OSBP2: variants seen among roughly 807,000 people sequenced by gnomAD.
OSBP2 encodes oxysterol binding protein 2.
In OSBP2, 66 loss-of-function variants were observed where a neutral mutation model predicts 96.0. The ratio of observed to expected loss-of-function variants is 0.69; its 90% confidence interval spans 0.56 to 0.84. The LOEUF (loss-of-function observed/expected upper bound fraction) is 0.84, where lower values mean the gene tolerates loss of function less well. OSBP2 is among the 40% of genes least tolerant of loss of function. The pLI is 0.00. For synonymous variants in OSBP2, 525 were observed against 520.9 expected (o/e 1.01, Z -0.11); for missense variants, 1,038 against 1,222.7 (o/e 0.85, Z 2.25).
intron 2 of OSBP2, among the ~76,000 whole-genome samples, chr22:30,809,047 G>A (rs1057332541): frequency 2.0e-5 from 3 of 152,222 alleles, no homozygotes; most frequent in African/African-American, 7.2e-5. Flanking sequence ...GTCAGAGGCA[G>A]AGATTGGAAT....
chr22:30,821,586 G>T (rs943534502), intron 2 of OSBP2, among the ~76,000 whole-genome samples: 5 of 152,090 alleles, frequency 3.3e-5, no homozygotes, highest in Admixed American at 3.3e-4. Context: ...GGGGATGGGG[G>T]TGCGGGGATA....
At chr22:30,706,315 G>A (rs1404550651) in intron 1 of OSBP2, among the ~76,000 whole-genome samples, 6 of 151,844 alleles carry the variant, frequency 4.0e-5, no homozygotes, top group African/African-American at 1.5e-4. Context: ...TCTTTTATGT[G>A]CGATGCTTTG....
chr22:30,871,692 A>C lies in OSBP2; in HGVS notation c.1107+1010A>C, dbSNP rs575297670. On this transcript the variant is annotated intron_variant, in intron 3 of 13. Coordinates refer to ENST00000332585, the MANE Select transcript of OSBP2 (RefSeq NM_030758.4). This position sits in a 1 kb window ranked among gnomAD's most constrained non-coding sequence, Gnocchi z 4.7. The stretch of plus-strand genomic sequence containing the variant: ...CCCAGCCCCCAAACTAGGAGGTTAG[A>C]CCAGGGCCGGACTGGGAGCTGGGAC... Among the ~76,000 whole-genome samples, 8 of 152,266 alleles carry C rather than the reference A, an allele frequency of 5.3e-5. No individual in the cohort carries two copies. The highest frequency in any genetic ancestry group is 1.9e-4 in the African/African-American group (8 of 41,558).
At chr22:30,820,102 G>A (rs1287340727) in intron 2 of OSBP2, among the ~76,000 whole-genome samples, 1 of 152,150 alleles carries the variant, frequency 6.6e-6, no homozygotes, top group Non-Finnish European at 1.5e-5. Flanking sequence ...AGCTCTGACC[G>A]AACACAGTGG....
At chr22:30,734,406 G>A (rs1307527535) in intron 1 of OSBP2, among the ~76,000 whole-genome samples, 2 of 152,192 alleles carry the variant, frequency 1.3e-5, no homozygotes, top group South Asian at 2.1e-4. Context: ...AGCCTCTTGC[G>A]GGAGAGGAGT....
rs533096039 is a variant in OSBP2, at chr22:30,764,936, A to G, written c.853+23567A>G. Among the ~76,000 whole-genome samples, 3 of 152,308 alleles carry G rather than the reference A, an allele frequency of 2.0e-5. No homozygotes were observed. In the East Asian group the frequency reaches 5.8e-4, roughly 29 times the overall value. On this transcript the variant is annotated intron_variant, in intron 2 of 13. Transcript: ENST00000332585. ...TAACTTCTCTCTTACTTTGAGGGAC[A>G]TGAAGTCTTCCTGGGGGAGCATGTT...
chr22:30,882,926 AC>A (rs1157192102), intron 3 of OSBP2, among the ~76,000 whole-genome samples: 1 of 152,148 alleles, frequency 6.6e-6, no homozygotes. Flanking sequence ...AAGCCCAGGC[AC>A]CCTCAGATGT....
chr22:30,799,582 A>C (rs569532539), intron 2 of OSBP2, among the ~76,000 whole-genome samples: 1 of 152,376 alleles, frequency 6.6e-6, no homozygotes, highest in African/African-American at 2.4e-5. Flanking sequence ...CTGAAAGTAC[A>C]TCCTAGGCCT....
At chr22:30,818,489 G>A (rs1022753706) in intron 2 of OSBP2, among the ~76,000 whole-genome samples, 1 of 152,114 alleles carries the variant, frequency 6.6e-6, no homozygotes, top group Non-Finnish European at 1.5e-5. Context: ...TGGGCTGTAG[G>A]GTGTGGATGT....
chr22:30,866,727 ACT>A (rs1222728061), intron 2 of OSBP2, among the ~76,000 whole-genome samples: 11 of 147,782 alleles, frequency 7.4e-5, no homozygotes, highest in African/African-American at 1.0e-4. Flanking sequence ...ACAGCGCGAG[ACT>A]CTGTCTCAAA....
chr22:30,694,359 G>T (rs1044141559), upstream of OSBP2: 17 of 1,528,506 alleles, frequency 1.1e-5, no homozygotes, highest in Non-Finnish European at 1.5e-5. Flanking sequence ...TGGCTGCCAT[G>T]GGGGGCGGGG....
Position 30,870,827 on chromosome 22 carries a change from C to A in OSBP2, c.1107+145C>A. ...GTTTCCCAAAGCCAGCGCCCCCCAG[C>A]TAGCTTCCGAGTTCTTAAATCATCT... On this transcript the variant is annotated intron_variant, in intron 3 of 13. Coordinates refer to ENST00000332585, the MANE Select transcript of OSBP2 (RefSeq NM_030758.4). This position sits in a 1 kb window ranked among gnomAD's most constrained non-coding sequence, Gnocchi z 4.1. 2 of 809,700 alleles carry A rather than the reference C, an allele frequency of 2.5e-6. No homozygotes were observed. The highest frequency in any genetic ancestry group is 3.8e-6 in the Non-Finnish European group (2 of 522,930). The allele number at this position is 809,700 out of a possible 1,614,324, so 50.2% of individuals were successfully genotyped here.
intron 2 of OSBP2, among the ~76,000 whole-genome samples, chr22:30,807,104 C>T (rs1261746199): frequency 6.6e-6 from 1 of 152,186 alleles, no homozygotes; most frequent in African/African-American, 2.4e-5. Flanking sequence ...CGTGAGGTTG[C>T]TCTTTCCACT....
Position 30,741,375 on chromosome 22 carries a change from G to C in OSBP2, c.853+6G>C. 2.5e-6 allele frequency: 4 copies of C among 1,600,476 alleles called. No homozygotes were observed. Among genetic ancestry groups the C allele is most frequent in the Non-Finnish European group, 3.4e-6 (4 of 1,175,556 alleles). On this transcript the variant is annotated splice_donor_region_variant and intron_variant, in intron 2 of 13. Transcript: ENST00000332585. ...CGTGATGAACACTCATTCAGGTAGTGAGCACTTGGGACAGCGGGTGTGTAT... is the reference window on the plus strand; with the variant it reads ...CGTGATGAACACTCATTCAGGTAGTCAGCACTTGGGACAGCGGGTGTGTAT...
intron 2 of OSBP2, among the ~76,000 whole-genome samples, chr22:30,764,675 C>T (rs1198380007): frequency 6.6e-6 from 1 of 152,126 alleles, no homozygotes; most frequent in Non-Finnish European, 1.5e-5. Flanking sequence ...CTTCTGTGGC[C>T]ACTGCCTCTG....
chr22:30,877,805 G>C (rs1454242430), intron 3 of OSBP2, among the ~76,000 whole-genome samples: 1 of 152,238 alleles, frequency 6.6e-6, no homozygotes, highest in African/African-American at 2.4e-5. Context: ...AACTTGGAAG[G>C]CTCCTCATAG....
At chr22:30,872,085 TG>T (rs972635629) in intron 3 of OSBP2, among the ~76,000 whole-genome samples, 1 of 152,044 alleles carries the variant, frequency 6.6e-6, no homozygotes, top group African/African-American at 2.4e-5. Context: ...TGCTGGGGGG[TG>T]GGGGGCAGTT....
chr22:30,735,979 T>G (rs1375669298), intron 1 of OSBP2, among the ~76,000 whole-genome samples: 1 of 152,100 alleles, frequency 6.6e-6, no homozygotes, highest in Non-Finnish European at 1.5e-5. Flanking sequence ...GGTGGCACGA[T>G]CTCAGCTCAC....
Position 30,828,530 on chromosome 22 carries a change from C to T in OSBP2, c.854-41899C>T, listed in dbSNP as rs900711755. Reference sequence around the variant, plus strand: ...AAGTAGAGAAGATTGAGAATATGCACAGAGCTTGAGGCATGCAGGAGTCCA... The same window carrying T: ...AAGTAGAGAAGATTGAGAATATGCATAGAGCTTGAGGCATGCAGGAGTCCA... On this transcript the variant is annotated intron_variant, in intron 2 of 13. Transcript: ENST00000332585. 4.7e-4 allele frequency among the ~76,000 whole-genome samples: 72 copies of T among 152,232 alleles called. 2 individuals are homozygous for T. The highest frequency in any genetic ancestry group is 4.6e-3 in the Admixed American group (71 of 15,288).
Sources: allele counts gnomAD v4.1 joint callset (sites outside exome capture counted in the v4.1 genomes callset), GRCh38; gene constraint gnomAD v4.1.1; non-coding constraint Gnocchi (gnomAD v3.1); transcripts MANE v1.5; gene names NCBI Gene and HGNC (gene_info 2026-07-23, HGNC 2026-07-21).